Variants in DAPK1 observed in about 807,000 individuals in gnomAD.
DAPK1 encodes death-associated protein kinase 1.
A neutral mutation model predicts 144.9 loss-of-function variants in DAPK1; 56 were observed. The ratio of observed to expected loss-of-function variants is 0.39; its 90% CI spans 0.31 to 0.48. DAPK1 has a LOEUF of 0.48. Among genes scored for constraint, DAPK1 ranks in the 20% least tolerant of loss-of-function variants. The probability of loss-of-function intolerance (pLI) is 0.95; values close to 1 mark genes in which losing one functional copy is unlikely to be tolerated. For missense variants in DAPK1, 1,454 were observed against 1,875.4 expected, an observed-to-expected ratio of 0.78 and a Z score of 4.15; for synonymous variants, 690 against 749.0, an observed-to-expected ratio of 0.92 and a Z score of 1.29.
intron 2 of DAPK1, among the ~76,000 whole-genome samples, chr9:87,552,428 AG>A (rs2118572483): frequency 6.6e-6 from 1 of 152,306 alleles, no homozygotes; most frequent in South Asian, 2.1e-4. Context: ...AAAATATGGA[AG>A]AACCTAATGT....
intron 9 of DAPK1, 59 bp from the exon 10 acceptor site, chr9:87,641,910 A>C (rs1418006298): frequency 7.2e-7 from 1 of 1,393,018 alleles, no homozygotes; most frequent in Non-Finnish European, 1.0e-6. Flanking sequence ...AAAAATTGTC[A>C]TATAACACAT....
chr9:87,534,050 A>G (rs1490234906), intron 2 of DAPK1, among the ~76,000 whole-genome samples: 1 of 152,050 alleles, frequency 6.6e-6, no homozygotes, highest in Non-Finnish European at 1.5e-5. Flanking sequence ...TTGCAATTTT[A>G]AAAACACTTT....
At chr9:87,634,202 C>T (rs1829806897) in intron 3 of DAPK1, among the ~76,000 whole-genome samples, 1 of 152,224 alleles carries the variant, frequency 6.6e-6, no homozygotes, top group South Asian at 2.1e-4. Context: ...GGACAGACTG[C>T]AAGGCTGGCA....
At chr9:87,544,215 C>T (rs1826154717) in intron 2 of DAPK1, among the ~76,000 whole-genome samples, 1 of 151,998 alleles carries the variant, frequency 6.6e-6, no homozygotes, top group Non-Finnish European at 1.5e-5. Context: ...AATTTTCATA[C>T]ATGAATAAGT....
At chr9:87,613,722 G>A (rs1341001970) in intron 3 of DAPK1, among the ~76,000 whole-genome samples, 5 of 152,130 alleles carry the variant, frequency 3.3e-5, no homozygotes, top group Admixed American at 6.5e-5. Flanking sequence ...TGTGGTGGTC[G>A]GGACTTAGGG....
chr9:87,573,781 A>C (rs1244836159), intron 2 of DAPK1, among the ~76,000 whole-genome samples: 1 of 152,224 alleles, frequency 6.6e-6, no homozygotes, highest in African/African-American at 2.4e-5. Flanking sequence ...GGTTGATTTC[A>C]TGCCCCTTAT....
In DAPK1 at chr9:87,556,899, CGT is replaced by C. The variant is rs1415845729; in HGVS notation, c.63-48052_63-48051del. Among the ~76,000 whole-genome samples the C allele has an allele frequency of 2.6e-5, 4 of 152,264 alleles. 1 individual carries two copies. In the East Asian group the frequency reaches 7.7e-4, roughly 29 times the overall value. On this transcript the variant is annotated intron_variant, in intron 2 of 25. Transcript: ENST00000408954. ...GCCAGGCCTCCTGGGCTGCCTTGGG[CGT>C]GTTCCTTGAAGAGCCAGTCCTGCAG...
At chr9:87,623,120 G>A (rs1386602388) in intron 3 of DAPK1, among the ~76,000 whole-genome samples, 1 of 152,126 alleles carries the variant, frequency 6.6e-6, no homozygotes, top group Non-Finnish European at 1.5e-5. Context: ...ATGCTGTGCT[G>A]GTAATGACTT....
chr9:87,690,095 A>G (rs1001142797), intron 21 of DAPK1, among the ~76,000 whole-genome samples: 4 of 152,190 alleles, frequency 2.6e-5, no homozygotes, highest in Non-Finnish European at 5.9e-5. Flanking sequence ...TGCCTTGAGT[A>G]GTATGAGCAT....
chr9:87,659,982 G>A (rs528502578), intron 18 of DAPK1, among the ~76,000 whole-genome samples: 96 of 152,286 alleles, frequency 6.3e-4, no homozygotes, highest in Admixed American at 9.8e-4. Context: ...ATGGGACCGC[G>A]TGGTGACAGG....
chr9:87,626,564 T>G (rs936336381), intron 3 of DAPK1, among the ~76,000 whole-genome samples: 1 of 152,142 alleles, frequency 6.6e-6, no homozygotes, highest in African/African-American at 2.4e-5. Context: ...GACCCAGAAA[T>G]TCCAAACTGG....
At chr9:87,584,950 TA>T (rs1274445287) in intron 2 of DAPK1, among the ~76,000 whole-genome samples, 2 of 152,188 alleles carry the variant, frequency 1.3e-5, no homozygotes, top group East Asian at 3.8e-4. Context: ...GTTCTGGGAT[TA>T]CAAGCGTGAG....
intron 2 of DAPK1, among the ~76,000 whole-genome samples, chr9:87,517,291 G>A (rs1026350915): frequency 1.1e-4 from 16 of 151,956 alleles, no homozygotes; most frequent in Non-Finnish European, 1.9e-4. Flanking sequence ...CATCTGCTGG[G>A]CCTCTCTTCT....
At chr9:87,632,560 G>C (rs1460524861) in intron 3 of DAPK1, 1 of 974,280 alleles carries the variant, frequency 1.0e-6, no homozygotes, top group East Asian at 1.1e-4. Context: ...AGGGATGAAG[G>C]AGGATGAGTA....
chr9:87,604,690 G>C (rs1828650039), intron 2 of DAPK1, among the ~76,000 whole-genome samples: 1 of 152,150 alleles, frequency 6.6e-6, no homozygotes, highest in East Asian at 1.9e-4. Flanking sequence ...GGGAGGGAAG[G>C]AGGAGAGGAC....
intron 21 of DAPK1, among the ~76,000 whole-genome samples, chr9:87,696,242 A>G (rs1395735022): frequency 6.6e-6 from 1 of 152,060 alleles, no homozygotes. Context: ...GTGTGTGTGT[A>G]GCACTCCAGG....
intron 10 of DAPK1, 139 bp downstream of exon 10, chr9:87,642,197 G>A: frequency 1.8e-6 from 1 of 566,872 alleles, no homozygotes; most frequent in African/African-American, 1.9e-5. Flanking sequence ...GTAGTGTTCT[G>A]CACCATTACT....
intron 2 of DAPK1, among the ~76,000 whole-genome samples, chr9:87,570,870 T>C (rs1224400838): frequency 6.6e-6 from 1 of 152,148 alleles, no homozygotes; most frequent in Non-Finnish European, 1.5e-5. Flanking sequence ...ATCTGAAGTG[T>C]CATATGCTCA....
intron 19 of DAPK1, among the ~76,000 whole-genome samples, chr9:87,679,541 C>T (rs994894083): frequency 4.6e-5 from 7 of 152,118 alleles, no homozygotes; most frequent in Non-Finnish European, 1.0e-4. Context: ...GTGCACTGAA[C>T]GCCTTGCCTA....
Sources: allele counts gnomAD v4.1 joint callset (sites outside exome capture counted in the v4.1 genomes callset), GRCh38; gene constraint gnomAD v4.1.1; transcripts MANE v1.5; gene names NCBI Gene and HGNC (gene_info 2026-07-23, HGNC 2026-07-21).